The following RBM33 variants were observed in gnomAD, a reference collection of about 807,000 sequenced individuals.
The protein encoded by RBM33 is RNA-binding protein 33.
RBM33 carries 28 observed loss-of-function variants against 132.6 expected under a neutral mutation model. That is an observed-to-expected ratio of 0.21 (90% CI 0.16 to 0.29). The LOEUF is 0.29. RBM33 is among the 10% of genes least tolerant of loss of function. The pLI is 1.00. For synonymous variants in RBM33, 634 were observed against 593.0 expected, an observed-to-expected ratio of 1.07 and a Z score of -1.01; for missense variants, 1,291 against 1,518.5, an observed-to-expected ratio of 0.85 and a Z score of 2.49.
At chr7:155,744,728 A>G (rs1801456400) in intron 13 of RBM33, among the ~76,000 whole-genome samples, 1 of 152,176 alleles carries the variant, frequency 6.6e-6, no homozygotes. Context: ...AATTTACATT[A>G]TTTCATTTTT....
At chr7:155,706,649 G>A (rs1392473679) in intron 6 of RBM33, among the ~76,000 whole-genome samples, 2 of 152,124 alleles carry the variant, frequency 1.3e-5, no homozygotes, top group African/African-American at 2.4e-5. Flanking sequence ...GTGTCATAAC[G>A]GAAAGCCTGT....
Position 155,774,519 on chromosome 7 carries a change from A to G in RBM33, c.3376-40A>G, listed in dbSNP as rs1802540559. ...ATATATATTCATATTTTTTATTGTCATTTACAACTGATCTTAAAGTGTTTG... is the reference window on the plus strand; with the variant it reads ...ATATATATTCATATTTTTTATTGTCGTTTACAACTGATCTTAAAGTGTTTG... On this transcript the variant is annotated intron_variant, in intron 16 of 17. Transcript: ENST00000401878. The surrounding 1 kb of genome is among the most constrained non-coding windows in gnomAD (Gnocchi z 4.2). 13 of 1,414,666 alleles carry G rather than the reference A, an allele frequency of 9.2e-6. No homozygotes were observed. The highest frequency in any genetic ancestry group is 1.4e-5 in the African/African-American group (1 of 70,974). 87.6% of individuals were successfully genotyped at this position (1,414,666 alleles called of 1,614,324 possible).
rs1196278357 is a variant in RBM33, at chr7:155,644,856, A to G, written c.-21A>G. On this transcript the variant is annotated 5_prime_UTR_variant, in exon 1 of 18. Transcript: ENST00000401878. ...CAGCTGGCTTGGTGGGGGAGGCTGAAGGCCGGGCCCCGCGAGTGCCATGGC... is the reference window on the plus strand; with the variant it reads ...CAGCTGGCTTGGTGGGGGAGGCTGAGGGCCGGGCCCCGCGAGTGCCATGGC... 18 of 1,485,114 alleles carry G rather than the reference A, an allele frequency of 1.2e-5. No individual in the cohort carries two copies. The highest frequency in any genetic ancestry group is 1.5e-5 in the African/African-American group (1 of 68,668). The allele number at this position is 1,485,114 out of a possible 1,614,324, so 92.0% of individuals were successfully genotyped here.
At chr7:155,730,027 T>C (rs1347608466) in intron 9 of RBM33, among the ~76,000 whole-genome samples, 1 of 152,184 alleles carries the variant, frequency 6.6e-6, no homozygotes, top group African/African-American at 2.4e-5. Context: ...ACTTCCAGGT[T>C]GAGAATGTGA....
intron 1 of RBM33, among the ~76,000 whole-genome samples, chr7:155,663,658 G>A (rs958071107): frequency 6.6e-6 from 1 of 152,178 alleles, no homozygotes; most frequent in African/African-American, 2.4e-5. Context: ...AACTGTATCA[G>A]TAGTGTTTGG....
intron 7 of RBM33, 34 bp from the exon 8 acceptor site, chr7:155,711,169 G>A: frequency 2.1e-6 from 3 of 1,422,996 alleles, no homozygotes; most frequent in Non-Finnish European, 2.8e-6. Context: ...TTTGTGATTT[G>A]TAGACTCATT....
At chr7:155,653,888 T>C (rs944896297) in intron 1 of RBM33, among the ~76,000 whole-genome samples, 11 of 152,132 alleles carry the variant, frequency 7.2e-5, no homozygotes, top group Non-Finnish European at 1.5e-4. Flanking sequence ...GGCACCTCAT[T>C]GCAGTTGGCA....
At chr7:155,682,048 G>C (rs773375755) in intron 5 of RBM33, among the ~76,000 whole-genome samples, 2 of 152,004 alleles carry the variant, frequency 1.3e-5, no homozygotes, top group Non-Finnish European at 2.9e-5. Context: ...AGCCTCCTGA[G>C]TAGCTGAGAT....
chr7:155,724,990 TTGTGTGTGTGTGTG>T lies in RBM33; in HGVS notation c.1260+6581_1260+6594del, dbSNP rs56739117. ...TTGCTGTAAACATTTGTGTACAGGT[TTGTGTGTGTGTGTG>T]TGTGTGTGTGTGTGTGTGTGTGTGT... On this transcript the variant is annotated intron_variant, in intron 9 of 17. Coordinates refer to ENST00000401878, the MANE Select transcript of RBM33 (RefSeq NM_053043.3). Among the ~76,000 whole-genome samples, 129 of 123,362 alleles carry T rather than the reference TTGTGTGTGTGTGTG, an allele frequency of 1.0e-3. 1 individual carries two copies. The East Asian group carries it at 0.011, about 11-fold the overall frequency. 80.9% of individuals were successfully genotyped at this position (123,362 alleles called of 152,430 possible).
intron 9 of RBM33, among the ~76,000 whole-genome samples, chr7:155,730,870 A>G (rs1224840155): frequency 6.6e-6 from 1 of 152,212 alleles, no homozygotes; most frequent in Non-Finnish European, 1.5e-5. Flanking sequence ...AGAGATGAAA[A>G]TCACAATATT....
chr7:155,704,315 A>G (rs895888546), intron 6 of RBM33, among the ~76,000 whole-genome samples: 2 of 152,206 alleles, frequency 1.3e-5, no homozygotes, highest in Non-Finnish European at 2.9e-5. Context: ...CCTTACAGAA[A>G]AAGATTTGAG....
chr7:155,656,324 A>T (rs1381793617), intron 1 of RBM33, among the ~76,000 whole-genome samples: 1 of 152,120 alleles, frequency 6.6e-6, no homozygotes, highest in African/African-American at 2.4e-5. Context: ...GCACAAAATC[A>T]TGGTTAAAGA....
chr7:155,706,559 A>G (rs1041566586), intron 6 of RBM33, among the ~76,000 whole-genome samples: 28 of 152,304 alleles, frequency 1.8e-4, no homozygotes, highest in African/African-American at 6.7e-4. Flanking sequence ...GTTTCACTTC[A>G]GCTGCTTTTT....
At chr7:155,771,016 G>GA (rs1403177548) in intron 16 of RBM33, among the ~76,000 whole-genome samples, 1 of 152,158 alleles carries the variant, frequency 6.6e-6, no homozygotes, top group Non-Finnish European at 1.5e-5. Context: ...AGATGTCTCT[G>GA]AAAAATGAAA....
At chr7:155,689,732 C>T (rs1158623479) in intron 5 of RBM33, among the ~76,000 whole-genome samples, 1 of 152,006 alleles carries the variant, frequency 6.6e-6, no homozygotes, top group Non-Finnish European at 1.5e-5. Context: ...TGTTATGTAC[C>T]CAGTAGTCAG....
intron 14 of RBM33, among the ~76,000 whole-genome samples, chr7:155,754,521 G>T (rs1801785514): frequency 6.6e-6 from 1 of 152,220 alleles, no homozygotes; most frequent in African/African-American, 2.4e-5. Context: ...AGCATCTGGA[G>T]GTGCCTGGCT....
chr7:155,675,564 C>T (rs558295592), intron 3 of RBM33, among the ~76,000 whole-genome samples: 5 of 152,138 alleles, frequency 3.3e-5, no homozygotes, highest in African/African-American at 1.2e-4. Context: ...AGGGCAGTAT[C>T]GTTTACTCTC....
At chr7:155,770,668 C>G (rs1031863331) in intron 16 of RBM33, among the ~76,000 whole-genome samples, 2 of 144,008 alleles carry the variant, frequency 1.4e-5, no homozygotes, top group Non-Finnish European at 3.0e-5. Flanking sequence ...AGAAAAAGAG[C>G]TTGGTGTTTA....
In RBM33 at chr7:155,745,313, G is replaced by T. The variant is rs1353902049; in HGVS notation, c.2690G>T (p.Ser897Ile). 1.2e-6 allele frequency: 2 copies of T among 1,613,112 alleles called. No individual in the cohort carries two copies. The highest frequency in any genetic ancestry group is 1.7e-6 in the Non-Finnish European group (2 of 1,179,442). The change falls in exon 14 of 18, where the codon AGT (serine) becomes ATT (isoleucine). Residue 897 changes from serine to isoleucine, a missense_variant. Transcript: ENST00000401878. This position sits in a 1 kb window ranked among gnomAD's most constrained non-coding sequence, Gnocchi z 4.1. ...AAAACATCCAATTTTGTACCATCCAGTGCCAACATGCAGTATCAAGGACAA... is the reference window on the plus strand; with the variant it reads ...AAAACATCCAATTTTGTACCATCCATTGCCAACATGCAGTATCAAGGACAA... ...QPKTSNFVPS[S>I]ANMQYQGQQM...
Sources: allele counts gnomAD v4.1 joint callset (sites outside exome capture counted in the v4.1 genomes callset), GRCh38; gene constraint gnomAD v4.1.1; non-coding constraint Gnocchi (gnomAD v3.1); transcripts MANE v1.5; gene names NCBI Gene and HGNC (gene_info 2026-07-23, HGNC 2026-07-21).